Variants in ADAMTSL1 observed in about 807,000 individuals in gnomAD.
ADAMTSL1 encodes the protein ADAMTS-like protein 1.
A neutral mutation model predicts 201.8 loss-of-function variants in ADAMTSL1; 126 were observed. The ratio of observed to expected loss-of-function variants is 0.62; its 90% CI spans 0.54 to 0.72. The LOEUF (loss-of-function observed/expected upper bound fraction) is 0.72, where lower values mean the gene tolerates loss of function less well. Among genes scored for constraint, ADAMTSL1 ranks in the 30% least tolerant of loss-of-function variants. The probability of loss-of-function intolerance (pLI) is 0.00; values close to 1 mark genes in which losing one functional copy is unlikely to be tolerated. For synonymous variants in ADAMTSL1, 1,121 were observed against 903.4 expected, an observed-to-expected ratio of 1.24 and a Z score of -4.32; for missense variants, 2,679 against 2,277.8, an observed-to-expected ratio of 1.18 and a Z score of -3.59.
chr9:18,070,358 C>T (rs1822909851), intron 1 of ADAMTSL1, among the ~76,000 whole-genome samples: 1 of 152,004 alleles, frequency 6.6e-6, no homozygotes, highest in Admixed American at 6.6e-5. Flanking sequence ...GGATGGCAGG[C>T]AAATGTGGCT....
intron 2 of ADAMTSL1, among the ~76,000 whole-genome samples, chr9:18,182,222 G>A: frequency 6.6e-6 from 1 of 151,180 alleles, no homozygotes; most frequent in East Asian, 1.9e-4. Flanking sequence ...GCACCAGCAT[G>A]TCACATGTAT....
At chr9:18,335,282 G>GC (rs1456230033) in intron 2 of ADAMTSL1, among the ~76,000 whole-genome samples, 3 of 151,924 alleles carry the variant, frequency 2.0e-5, no homozygotes, top group South Asian at 2.1e-4. Flanking sequence ...AATATTCTAG[G>GC]CAGCTATTCA....
rs183539373 is a variant in ADAMTSL1 at position 18,351,164 on chromosome 9, C to T, written c.208-153665C>T. On this transcript the variant is annotated intron_variant, in intron 2 of 29. Coordinates refer to the ADAMTSL1 transcript ENST00000680146. Reference sequence around the variant, plus strand: ...CCTTGCATCTAGATTAATAAGGTGACGCAAGACACTACATCATCTGGCAGG... The same window carrying T: ...CCTTGCATCTAGATTAATAAGGTGATGCAAGACACTACATCATCTGGCAGG... 1.9e-4 allele frequency among the ~76,000 whole-genome samples: 28 copies of T among 150,758 alleles called. No homozygotes were observed. In the East Asian group the frequency reaches 2.7e-3, roughly 15 times the overall value.
chr9:18,711,448 C>T (rs924203389), intron 14 of ADAMTSL1, among the ~76,000 whole-genome samples: 1 of 152,254 alleles, frequency 6.6e-6, no homozygotes, highest in Non-Finnish European at 1.5e-5. Flanking sequence ...CGCAAGGGGT[C>T]AGGGAGTTCC....
chr9:18,866,129 A>AAAAAAAAAAAAAAAAAAAAAAAC, intron 23 of ADAMTSL1, among the ~76,000 whole-genome samples: 1 of 151,148 alleles, frequency 6.6e-6, no homozygotes, highest in Non-Finnish European at 1.5e-5. Flanking sequence ...AAAAAAAAAA[A>AAAAAAAAAAAAAAAAAAAAAAAC]ATGACGGATA....
chr9:18,273,731 A>G (rs1175563093), intron 2 of ADAMTSL1, among the ~76,000 whole-genome samples: 3 of 152,214 alleles, frequency 2.0e-5, no homozygotes, highest in Admixed American at 2.0e-4. Flanking sequence ...AATGCCAACC[A>G]TGTGGTCAAC....
At chr9:18,664,626 G>A (rs1480115521) in intron 9 of ADAMTSL1, among the ~76,000 whole-genome samples, 1 of 151,872 alleles carries the variant, frequency 6.6e-6, no homozygotes. Context: ...AGAGTCCCTT[G>A]TAGTAAGAAA....
chr9:18,106,307 C>T (rs529776087), intron 1 of ADAMTSL1, among the ~76,000 whole-genome samples: 92 of 152,164 alleles, frequency 6.0e-4, no homozygotes, highest in Non-Finnish European at 1.1e-3. Flanking sequence ...GATTGCTGGC[C>T]CATGCTGTTT....
chr9:18,466,888 T>G (rs1042087701), intron 2 of ADAMTSL1, among the ~76,000 whole-genome samples: 1 of 152,174 alleles, frequency 6.6e-6, no homozygotes, highest in Non-Finnish European at 1.5e-5. Flanking sequence ...TGATTTTCCG[T>G]GGTTTAATTG....
intron 3 of ADAMTSL1, among the ~76,000 whole-genome samples, chr9:18,540,323 C>G (rs577897894): frequency 6.6e-6 from 1 of 152,256 alleles, no homozygotes; most frequent in East Asian, 1.9e-4. Context: ...TTATGCTACA[C>G]TTGATCTTAG....
intron 2 of ADAMTSL1, among the ~76,000 whole-genome samples, chr9:18,256,775 G>A (rs1394328696): frequency 6.6e-6 from 1 of 152,154 alleles, no homozygotes; most frequent in East Asian, 1.9e-4. Context: ...GTAATATACA[G>A]CCCGGGTGCT....
rs777465664 is a variant in ADAMTSL1, at chr9:18,110,018, AG to A, written c.88-53842del. The stretch of plus-strand genomic sequence containing the variant: ...AAGAGGAACACAGGCAAGTGAGGTG[AG>A]GTTAAGCTACTCCCCAAGCCTAGCC... On this transcript the variant is annotated intron_variant, in intron 1 of 29. Transcript: ENST00000680146. Among the ~76,000 whole-genome samples, 162 of 152,290 alleles carry A rather than the reference AG, an allele frequency of 1.1e-3. 1 individual carries two copies. Among genetic ancestry groups the A allele is most frequent in the Non-Finnish European group, 1.8e-3 (120 of 68,004 alleles).
intron 26 of ADAMTSL1, among the ~76,000 whole-genome samples, chr9:18,898,784 A>G (rs1829821149): frequency 6.6e-6 from 1 of 152,228 alleles, no homozygotes; most frequent in Non-Finnish European, 1.5e-5. Context: ...CCAACTAGAT[A>G]TTGAAGGAAC....
At chr9:18,635,752 A>G (rs1384090006) in intron 5 of ADAMTSL1, among the ~76,000 whole-genome samples, 191 bp from the exon 6 acceptor site, 1 of 152,202 alleles carries the variant, frequency 6.6e-6, no homozygotes, top group East Asian at 1.9e-4. Flanking sequence ...TTAACTAGTG[A>G]CTAGCATCTT....
At chr9:18,890,522 A>G (rs1373823482) in intron 25 of ADAMTSL1, 5 of 455,922 alleles carry the variant, frequency 1.1e-5, no homozygotes, top group South Asian at 7.7e-5. Flanking sequence ...ACTTTCATAC[A>G]ATACTTAGGC....
chr9:17,928,928 C>G (rs913389583), intron 1 of ADAMTSL1, among the ~76,000 whole-genome samples: 1 of 152,092 alleles, frequency 6.6e-6, no homozygotes, highest in Non-Finnish European at 1.5e-5. Context: ...GACCAGGAAA[C>G]TCTGCTTACC....
At chr9:18,593,372 T>A (rs1824048590) in intron 4 of ADAMTSL1, among the ~76,000 whole-genome samples, 3 of 152,130 alleles carry the variant, frequency 2.0e-5, no homozygotes, top group African/African-American at 7.2e-5. Flanking sequence ...GTTTCCTTGA[T>A]CTTTTATATT....
At chr9:18,574,472 T>A in intron 4 of ADAMTSL1, 1 of 619,082 alleles carries the variant, frequency 1.6e-6, no homozygotes, top group Non-Finnish European at 2.9e-6. Flanking sequence ...TAGAGTTATT[T>A]TTCTTTCCTT....
intron 1 of ADAMTSL1, among the ~76,000 whole-genome samples, chr9:18,147,856 C>A (rs1826716195): frequency 6.6e-6 from 1 of 152,080 alleles, no homozygotes; most frequent in Admixed American, 6.6e-5. Flanking sequence ...CAGTGTATTC[C>A]ACTATTCTCT....
Sources: allele counts gnomAD v4.1 joint callset (sites outside exome capture counted in the v4.1 genomes callset), GRCh38; gene constraint gnomAD v4.1.1; transcripts MANE v1.5; gene names NCBI Gene and HGNC (gene_info 2026-07-23, HGNC 2026-07-21).